The following CABCOCO1 variants were observed in gnomAD, a reference collection of about 807,000 sequenced individuals.
CABCOCO1 encodes ciliary associated calcium binding coiled-coil 1, also known as ciliary-associated calcium-binding coiled-coil protein 1.
Under a neutral mutation model 35.7 loss-of-function variants are expected in CABCOCO1, and 28 were observed. The observed-to-expected ratio is 0.78, with a 90% confidence interval of 0.58 to 1.07. The LOEUF is 1.07. CABCOCO1 is among the 50% of genes least tolerant of loss of function. CABCOCO1 has a pLI of 0.00. For synonymous variants in CABCOCO1, 95 were observed against 100.1 expected (o/e 0.95, Z 0.30); for missense variants, 326 against 309.2 (o/e 1.05, Z -0.41).
intron 1 of CABCOCO1, among the ~76,000 whole-genome samples, chr10:61,665,786 C>A (rs956309129): frequency 6.6e-6 from 1 of 151,012 alleles, no homozygotes; most frequent in African/African-American, 2.4e-5. Context: ...ACTCGGGAGG[C>A]TGAGGCAGGA....
At chr10:61,686,227 C>A in intron 4 of CABCOCO1, 42 bp downstream of exon 4, 1 of 1,449,346 alleles carries the variant, frequency 6.9e-7, no homozygotes, top group Non-Finnish European at 9.2e-7. Flanking sequence ...CATTTCACAT[C>A]TTCTGGAAAA....
intron 5 of CABCOCO1, among the ~76,000 whole-genome samples, chr10:61,726,259 C>T (rs1841146504): frequency 6.6e-6 from 1 of 152,076 alleles, no homozygotes; most frequent in South Asian, 2.1e-4. Flanking sequence ...AATAAGAAAT[C>T]GATTAAGTAC....
intron 5 of CABCOCO1, among the ~76,000 whole-genome samples, chr10:61,732,015 A>C (rs1841315358): frequency 2.0e-5 from 3 of 152,112 alleles, no homozygotes; most frequent in African/African-American, 7.2e-5. Context: ...CAGATTTTAA[A>C]GCAAAAGAAT....
At chr10:61,692,972 G>A (rs1840193807) in intron 5 of CABCOCO1, among the ~76,000 whole-genome samples, 1 of 152,104 alleles carries the variant, frequency 6.6e-6, no homozygotes, top group Admixed American at 6.6e-5. Context: ...TATTGAGAGT[G>A]ATCAAGAAAA....
intron 5 of CABCOCO1, among the ~76,000 whole-genome samples, chr10:61,741,859 T>C (rs1841555659): frequency 6.6e-6 from 1 of 152,236 alleles, no homozygotes. Context: ...TGTTGTTCTT[T>C]TATTATTCTG....
intron 5 of CABCOCO1, among the ~76,000 whole-genome samples, chr10:61,742,213 C>T (rs1267740411): frequency 6.6e-6 from 1 of 152,020 alleles, no homozygotes; most frequent in Non-Finnish European, 1.5e-5. Context: ...GGAGACAGGG[C>T]TGAGTGAAGA....
At chr10:61,677,617 C>T (rs1210186666) in intron 2 of CABCOCO1, among the ~76,000 whole-genome samples, 1 of 151,676 alleles carries the variant, frequency 6.6e-6, no homozygotes, top group African/African-American at 2.4e-5. Context: ...CATATGTATA[C>T]ATGTGCCATG....
In CABCOCO1 at chr10:61,686,203, T is replaced by A; in HGVS notation, c.479+18T>A. ...AAAATCAGGTATGGATTATTTTCAG[T>A]AACATTTATTTTTCATTTCACATCT... On this transcript the variant is annotated intron_variant, in intron 4 of 7. Transcript: ENST00000648843. 6.6e-7 allele frequency: 1 copy of A among 1,513,118 alleles called. No homozygotes were observed. The highest frequency in any genetic ancestry group is 8.8e-7 in the Non-Finnish European group (1 of 1,131,766). 93.7% of individuals were successfully genotyped at this position (1,513,118 alleles called of 1,614,324 possible).
At chr10:61,753,085 A>G (rs1301585511) in intron 5 of CABCOCO1, among the ~76,000 whole-genome samples, 1 of 152,188 alleles carries the variant, frequency 6.6e-6, no homozygotes, top group Non-Finnish European at 1.5e-5. Context: ...AATTATCGGT[A>G]CTTATTCAAA....
intron 5 of CABCOCO1, among the ~76,000 whole-genome samples, chr10:61,718,972 A>AT (rs1840933842): frequency 6.6e-6 from 1 of 152,232 alleles, no homozygotes; most frequent in South Asian, 2.1e-4. Context: ...AAAAGCTTTC[A>AT]TCAATTACTT....
At chr10:61,752,067 G>C (rs1284781410) in intron 5 of CABCOCO1, among the ~76,000 whole-genome samples, 1 of 152,166 alleles carries the variant, frequency 6.6e-6, no homozygotes, top group Non-Finnish European at 1.5e-5. Context: ...TAATTTCTAA[G>C]ATTTCAGATT....
chr10:61,753,347 A>T (rs1841832220), intron 5 of CABCOCO1, among the ~76,000 whole-genome samples: 2 of 152,126 alleles, frequency 1.3e-5, no homozygotes, highest in South Asian at 2.1e-4. Context: ...GCTTGTAAAA[A>T]ATATTTTGAA....
intron 5 of CABCOCO1, among the ~76,000 whole-genome samples, chr10:61,724,737 A>C (rs1841102127): frequency 6.6e-6 from 1 of 152,218 alleles, no homozygotes; most frequent in Non-Finnish European, 1.5e-5. Flanking sequence ...TTTTTTAAAA[A>C]AGAAATATTA....
chr10:61,672,779 AG>A, intron 2 of CABCOCO1, 44 bp downstream of exon 2: 3 of 963,504 alleles, frequency 3.1e-6, no homozygotes, highest in Non-Finnish European at 3.7e-6. Context: ...GAACAGTTCG[AG>A]TTCTGCATCT....
chr10:61,703,858 G>T (rs1275737090), intron 5 of CABCOCO1, among the ~76,000 whole-genome samples: 1 of 152,128 alleles, frequency 6.6e-6, no homozygotes, highest in Non-Finnish European at 1.5e-5. Context: ...GCCCAAAGAT[G>T]ATACATAGGG....
At chr10:61,693,558 T>TGA (rs1840213289) in intron 5 of CABCOCO1, among the ~76,000 whole-genome samples, 2 of 152,092 alleles carry the variant, frequency 1.3e-5, no homozygotes, top group Admixed American at 6.6e-5. Context: ...AAATAGAATA[T>TGA]CACCATGTGT....
At chr10:61,679,212 A>G (rs1433779307) in intron 2 of CABCOCO1, among the ~76,000 whole-genome samples, 1 of 152,164 alleles carries the variant, frequency 6.6e-6, no homozygotes, top group East Asian at 1.9e-4. Flanking sequence ...CACTGTCATT[A>G]TAGATCAACC....
chr10:61,685,640 A>G (rs1224394671), intron 3 of CABCOCO1, among the ~76,000 whole-genome samples: 3 of 152,180 alleles, frequency 2.0e-5, no homozygotes, highest in Non-Finnish European at 4.4e-5. Context: ...AGTTCACTGC[A>G]ACCTCTGCCT....
intron 5 of CABCOCO1, among the ~76,000 whole-genome samples, chr10:61,709,968 A>G (rs1201340187): frequency 1.3e-5 from 2 of 152,096 alleles, no homozygotes; most frequent in African/African-American, 2.4e-5. Context: ...GAATTAAAGC[A>G]TGAGTGACTT....
Sources: allele counts gnomAD v4.1 joint callset (sites outside exome capture counted in the v4.1 genomes callset), GRCh38; gene constraint gnomAD v4.1.1; transcripts MANE v1.5; gene names NCBI Gene and HGNC (gene_info 2026-07-23, HGNC 2026-07-21).